The following C6 variants were observed in gnomAD, a reference collection of about 807,000 sequenced individuals.
C6 encodes complement component C6.
A neutral mutation model predicts 112.9 loss-of-function variants in C6; 101 were observed. The ratio of observed to expected loss-of-function variants is 0.89; its 90% CI spans 0.76 to 1.06. The LOEUF is 1.06. Among genes scored for constraint, C6 ranks in the 50% least tolerant of loss-of-function variants. C6 has a pLI of 0.00. For missense variants in C6, 1,202 were observed against 1,104.6 expected (o/e 1.09, Z -1.25); for synonymous variants, 431 against 384.1 (o/e 1.12, Z -1.43).
chr5:41,235,120 C>T (rs1266911911), intron 1 of C6, among the ~76,000 whole-genome samples: 2 of 143,488 alleles, frequency 1.4e-5, no homozygotes, highest in Admixed American at 7.1e-5. Context: ...TACATGTGCA[C>T]ATTGTGCAGG....
At chr5:41,189,921 T>C (rs1750068160) in intron 5 of C6, among the ~76,000 whole-genome samples, 1 of 152,222 alleles carries the variant, frequency 6.6e-6, no homozygotes, top group Admixed American at 6.5e-5. Context: ...ATCATCCATG[T>C]TTCTCCAGTG....
intron 6 of C6, among the ~76,000 whole-genome samples, chr5:41,183,655 G>T (rs753091587): frequency 6.6e-6 from 1 of 152,088 alleles, no homozygotes; most frequent in African/African-American, 2.4e-5. Context: ...AAAACAAATT[G>T]TTCTACCAAA....
At chr5:41,256,689 C>T (rs1034301942) in intron 1 of C6, among the ~76,000 whole-genome samples, 2 of 152,132 alleles carry the variant, frequency 1.3e-5, no homozygotes, top group Non-Finnish European at 2.9e-5. Context: ...CTCTAATGAC[C>T]TCAATAATGT....
rs753208952 is a variant in C6, at chr5:41,161,710, C to A, written c.1441G>T (p.Ala481Ser). The A allele has an allele frequency of 6.2e-7, 1 of 1,613,450 alleles. No homozygotes were observed. Residue 481 changes from alanine (A) to serine (S), a missense_variant, in exon 10 of 18, where the codon GCT becomes TCT. Coordinates refer to ENST00000337836, the MANE Select transcript of C6 (RefSeq NM_000065.5). ...ACTCTTACCTCAAAGTCAATCACAG[C>A]AGGATTTTCCTTCACTGATTCTAAC... ...EWLESVKENP[A>S]VIDFELAPIV...
intron 1 of C6, among the ~76,000 whole-genome samples, chr5:41,220,581 A>T (rs1244171304): frequency 6.6e-6 from 1 of 152,086 alleles, no homozygotes; most frequent in African/African-American, 2.4e-5. Context: ...TTTTTACTAT[A>T]ACCATATGAG....
chr5:41,189,351 C>G (rs1008906178), intron 5 of C6, among the ~76,000 whole-genome samples: 1 of 151,934 alleles, frequency 6.6e-6, no homozygotes, highest in Non-Finnish European at 1.5e-5. Flanking sequence ...ATTACTCATA[C>G]TAGTCAAAGT....
At chr5:41,230,384 A>G (rs1229624724) in intron 1 of C6, among the ~76,000 whole-genome samples, 2 of 152,020 alleles carry the variant, frequency 1.3e-5, no homozygotes, top group African/African-American at 4.8e-5. Context: ...CTGGGGAAGG[A>G]TTGCATTCCT....
intron 1 of C6, among the ~76,000 whole-genome samples, chr5:41,254,060 C>T (rs367638362): frequency 3.3e-5 from 5 of 152,158 alleles, no homozygotes; most frequent in African/African-American, 9.6e-5. Context: ...TATAAAAGTA[C>T]GTTCCTGACT....
chr5:41,253,631 G>T (rs58329572), intron 1 of C6, among the ~76,000 whole-genome samples: 1 of 152,124 alleles, frequency 6.6e-6, no homozygotes, highest in African/African-American at 2.4e-5. Flanking sequence ...GGGTCCAATG[G>T]CTGAAAAACC....
chr5:41,248,145 A>G (rs900655119), intron 1 of C6, among the ~76,000 whole-genome samples: 4 of 151,652 alleles, frequency 2.6e-5, no homozygotes, highest in African/African-American at 7.3e-5. Context: ...CTGGACCTGT[A>G]TCTTTCACCA....
intron 1 of C6, among the ~76,000 whole-genome samples, chr5:41,206,163 G>A (rs1391341599): frequency 6.6e-6 from 1 of 152,216 alleles, no homozygotes; most frequent in African/African-American, 2.4e-5. Flanking sequence ...GGTCCTGACT[G>A]TTAGAAGGAA....
rs541469760 is a variant in C6 at position 41,158,461 on chromosome 5, AT to A, written c.1968+212del. Among the ~76,000 whole-genome samples, 14 of 152,312 alleles carry A rather than the reference AT, an allele frequency of 9.2e-5. No individual in the cohort carries two copies. In the East Asian group the frequency reaches 2.5e-3, roughly 27 times the overall value. On this transcript the variant is annotated intron_variant, in intron 13 of 17. Transcript: ENST00000337836. ...ATTACCTTTCCAAGAAACCCAAGCAATCTGCTATACTTTAGTCTAACAACTG... is the reference window on the plus strand; with the variant it reads ...ATTACCTTTCCAAGAAACCCAAGCAACTGCTATACTTTAGTCTAACAACTG...
chr5:41,243,420 G>A (rs944303895), intron 1 of C6, among the ~76,000 whole-genome samples: 30 of 152,222 alleles, frequency 2.0e-4, no homozygotes, highest in South Asian at 1.2e-3. Flanking sequence ...GATTTGTTAT[G>A]TTAAAAAATT....
intron 9 of C6, among the ~76,000 whole-genome samples, chr5:41,168,786 A>T (rs1447207189): frequency 1.3e-5 from 2 of 152,158 alleles, no homozygotes. Flanking sequence ...AATAAAGTTT[A>T]TATTTTCTAT....
At chr5:41,178,643 T>C (rs1427268394) in intron 7 of C6, among the ~76,000 whole-genome samples, 1 of 150,204 alleles carries the variant, frequency 6.7e-6, no homozygotes, top group African/African-American at 2.5e-5. Context: ...GTCTGGCAAA[T>C]TTTTGTATTT....
At chr5:41,241,351 A>G (rs1011976738) in intron 1 of C6, among the ~76,000 whole-genome samples, 6 of 152,184 alleles carry the variant, frequency 3.9e-5, no homozygotes, top group African/African-American at 1.2e-4. Context: ...ATGAGCTTAT[A>G]TAAGCTGGCG....
At chr5:41,171,608 G>A (rs972986187) in intron 9 of C6, among the ~76,000 whole-genome samples, 39 of 152,162 alleles carry the variant, frequency 2.6e-4, no homozygotes, top group African/African-American at 9.2e-4. Flanking sequence ...TGGGATTGGG[G>A]ATTGGGATAG....
chr5:41,197,121 AT>A (rs1233249748), intron 4 of C6, among the ~76,000 whole-genome samples: 1 of 152,108 alleles, frequency 6.6e-6, no homozygotes, highest in Non-Finnish European at 1.5e-5. Flanking sequence ...TGTTGAATTA[AT>A]TTTTTTAATT....
chr5:41,234,244 C>A (rs918261179), intron 1 of C6, among the ~76,000 whole-genome samples: 1 of 151,648 alleles, frequency 6.6e-6, no homozygotes, highest in Non-Finnish European at 1.5e-5. Context: ...AAGTAAATTC[C>A]TCGTAACAAT....
Sources: gnomAD v4.1 joint callset for allele counts (sites outside exome capture counted in the v4.1 genomes callset) on GRCh38, gnomAD v4.1.1 for gene constraint, MANE v1.5 for transcripts, NCBI Gene and HGNC (gene_info 2026-07-23, HGNC 2026-07-21) for gene names.